The following FUT8 variants were observed in gnomAD, a reference collection of about 807,000 sequenced individuals.
FUT8 encodes the protein alpha-(1,6)-fucosyltransferase.
Under a neutral mutation model 71.3 loss-of-function variants are expected in FUT8, and 29 were observed. That is an observed-to-expected ratio of 0.41 (90% CI 0.30 to 0.55). The LOEUF is 0.55. Among genes scored for constraint, FUT8 ranks in the 20% least tolerant of loss-of-function variants. The pLI is 0.34. For synonymous variants in FUT8, 254 were observed against 239.3 expected (o/e 1.06, Z -0.57); for missense variants, 544 against 702.1 (o/e 0.77, Z 2.55).
chr14:65,677,150 G>GCGCGCGCGCGCGCGCA (rs1566890387), intron 7 of FUT8, among the ~76,000 whole-genome samples: 2 of 118,182 alleles, frequency 1.7e-5, no homozygotes, highest in Non-Finnish European at 3.7e-5. Context: ...GTGTGTGTGT[G>GCGCGCGCGCGCGCGCA]TGCGCGCGCG....
the FUT8 span, among the ~76,000 whole-genome samples, chr14:65,370,378 T>C: frequency 1.3e-5 from 2 of 151,658 alleles, no homozygotes; most frequent in Non-Finnish European, 2.9e-5. Context: ...CGGCTAATTT[T>C]TTGTATTTTT....
chr14:65,378,023 A>T, the FUT8 span, among the ~76,000 whole-genome samples: 1 of 152,230 alleles, frequency 6.6e-6, no homozygotes, highest in African/African-American at 2.4e-5. Context: ...GAGCTGCCTC[A>T]GTTGTGACAG....
In FUT8 at chr14:65,651,627, A is replaced by G. The variant is rs1178881020; in HGVS notation, c.598-17616A>G. ...GATTTTAAAGAAGCTATAATAATAAATATACTCCAATTACAATTACAGTCT... is the reference window on the plus strand; with the variant it reads ...GATTTTAAAGAAGCTATAATAATAAGTATACTCCAATTACAATTACAGTCT... On this transcript the variant is annotated intron_variant, in intron 6 of 10. Transcript: ENST00000673929. Among the ~76,000 whole-genome samples the G allele has an allele frequency of 3.3e-5, 5 of 152,240 alleles. No homozygotes were observed. In the East Asian group the frequency reaches 9.6e-4, roughly 29 times the overall value.
chr14:65,378,837 G>GTTTTTT, the FUT8 span, among the ~76,000 whole-genome samples: 1,655 of 66,858 alleles, frequency 0.025, 399 homozygotes, highest in East Asian at 0.039. Flanking sequence ...TCACAAGAAG[G>GTTTTTT]TTTTTTTTTT....
chr14:65,453,827 T>C (rs1241093364), intron 1 of FUT8, among the ~76,000 whole-genome samples: 1 of 152,212 alleles, frequency 6.6e-6, no homozygotes, highest in Non-Finnish European at 1.5e-5. Flanking sequence ...TTTTTCTGCT[T>C]AAGTTTCTCC....
intron 2 of FUT8, among the ~76,000 whole-genome samples, chr14:65,552,344 C>G (rs1885337891): frequency 6.6e-6 from 1 of 152,058 alleles, no homozygotes; most frequent in Non-Finnish European, 1.5e-5. Context: ...CTGCTGCATC[C>G]TCAATGCCTG....
rs1309099150 is a variant in FUT8 at position 65,543,441 on chromosome 14, T to A, written c.-227-17896T>A. 2.6e-5 allele frequency among the ~76,000 whole-genome samples: 4 copies of A among 152,204 alleles called. No homozygotes were observed. The East Asian group carries it at 7.7e-4, about 29-fold the overall frequency. On this transcript the variant is annotated intron_variant, in intron 2 of 10. Coordinates refer to ENST00000673929, the MANE Select transcript of FUT8 (RefSeq NM_001371533.1). ...TCTGTTTTAGGTGCTATGTATACTTTTAGCTCTTGCTCTACTGATACATAC... is the reference window on the plus strand; with the variant it reads ...TCTGTTTTAGGTGCTATGTATACTTATAGCTCTTGCTCTACTGATACATAC...
chr14:65,539,022 T>C (rs1254379481), intron 2 of FUT8, among the ~76,000 whole-genome samples: 1 of 152,242 alleles, frequency 6.6e-6, no homozygotes, highest in Non-Finnish European at 1.5e-5. Context: ...AATTTTCTGC[T>C]GGCCGATATA....
intron 9 of FUT8, among the ~76,000 whole-genome samples, chr14:65,729,034 G>GTTTTTTTTTTTTTTTT (rs557668131): frequency 9.6e-6 from 1 of 103,664 alleles, no homozygotes; most frequent in African/African-American, 3.9e-5. Flanking sequence ...TTGTAAACAT[G>GTTTTTTTTTTTTTTTT]TTTTTTTTTT....
chr14:65,655,317 C>G (rs1216664738), intron 6 of FUT8, among the ~76,000 whole-genome samples: 1 of 151,340 alleles, frequency 6.6e-6, no homozygotes, highest in Non-Finnish European at 1.5e-5. Flanking sequence ...ACTAAAAATA[C>G]AAAAACAAAA....
intron 2 of FUT8, among the ~76,000 whole-genome samples, chr14:65,481,996 A>G (rs983393474): frequency 6.6e-6 from 1 of 152,130 alleles, no homozygotes; most frequent in African/African-American, 2.4e-5. Context: ...GTTTGTTCTC[A>G]TATGGATTGT....
chr14:65,632,536 C>T (rs1890244787), intron 6 of FUT8, among the ~76,000 whole-genome samples: 1 of 151,926 alleles, frequency 6.6e-6, no homozygotes, highest in Non-Finnish European at 1.5e-5. Flanking sequence ...TGAGAATTGT[C>T]TATTCATAGC....
At chr14:65,530,845 C>G (rs1344351714) in intron 2 of FUT8, among the ~76,000 whole-genome samples, 2 of 150,824 alleles carry the variant, frequency 1.3e-5, no homozygotes, top group Non-Finnish European at 3.0e-5. Context: ...CCCTCCCCCT[C>G]TCTTCCTCTC....
Position 65,641,615 on chromosome 14 carries a change from T to G in FUT8, c.597+12009T>G, listed in dbSNP as rs1464290089. Among the ~76,000 whole-genome samples, 3 of 152,332 alleles carry G rather than the reference T, an allele frequency of 2.0e-5. No homozygotes were observed. In the East Asian group the frequency reaches 5.8e-4, roughly 29 times the overall value. On this transcript the variant is annotated intron_variant, in intron 6 of 10. Coordinates refer to ENST00000673929, the MANE Select transcript of FUT8 (RefSeq NM_001371533.1). ...TGTTTACAAAAGTGATTGTGCCATT[T>G]TATATTTTCATCCAGCAGTGTCTGA... is the stretch of plus-strand genomic sequence containing the variant.
Position 65,721,821 on chromosome 14 carries a change from A to G in FUT8, c.882A>G (p.Val294=), listed in dbSNP as rs777326482. Residue 294 remains valine (V), a synonymous_variant, in exon 8 of 11, where the codon GTA becomes GTG. Transcript: ENST00000673929. ...KNVQVVELPI[V]DSLHPRPPYL... is the part of the protein sequence containing the mutation. ...TTCAAGTGGTCGAGCTTCCCATTGT[A>G]GACAGTCTTCATCCCCGTCCTCCAT... 6.2e-6 allele frequency: 10 copies of G among 1,614,238 alleles called. No individual in the cohort carries two copies. The highest frequency in any genetic ancestry group is 1.6e-4 in the Middle Eastern group (1 of 6,062).
chr14:65,632,061 C>G (rs1210683630), intron 6 of FUT8, among the ~76,000 whole-genome samples: 1 of 152,168 alleles, frequency 6.6e-6, no homozygotes, highest in Non-Finnish European at 1.5e-5. Flanking sequence ...TAGTATTCCA[C>G]TCTGCATATA....
At chr14:65,705,438 C>A (rs1038109820) in intron 7 of FUT8, among the ~76,000 whole-genome samples, 1 of 152,136 alleles carries the variant, frequency 6.6e-6, no homozygotes. Flanking sequence ...TCTTTTGTGT[C>A]CAAGTTAAAT....
intron 7 of FUT8, among the ~76,000 whole-genome samples, chr14:65,707,748 G>A (rs1454951927): frequency 6.6e-6 from 1 of 152,048 alleles, no homozygotes; most frequent in Non-Finnish European, 1.5e-5. Flanking sequence ...TGCATTGTGT[G>A]TTGGCACCTT....
At chr14:65,415,894 AAATTAG>A (rs1174979880) in intron 1 of FUT8, among the ~76,000 whole-genome samples, 1 of 152,204 alleles carries the variant, frequency 6.6e-6, no homozygotes, top group East Asian at 1.9e-4. Flanking sequence ...AAGCTGTAAT[AAATTAG>A]TATGTTAATT....
Sources: gnomAD v4.1 joint callset for allele counts (sites outside exome capture counted in the v4.1 genomes callset) on GRCh38, gnomAD v4.1.1 for gene constraint, MANE v1.5 for transcripts, NCBI Gene and HGNC (gene_info 2026-07-23, HGNC 2026-07-21) for gene names.